Variants in BCAS3 observed in about 807,000 individuals in gnomAD.
BCAS3 encodes the protein BCAS4/BCAS3 fusion.
In BCAS3, 53 loss-of-function variants were observed where a neutral mutation model predicts 116.1. That is an observed-to-expected ratio of 0.46 (90% CI 0.37 to 0.57). BCAS3 has a LOEUF of 0.57. Among genes scored for constraint, BCAS3 ranks in the 20% least tolerant of loss-of-function variants. BCAS3 has a pLI of 0.00. For missense variants in BCAS3, 917 were observed against 1,165.4 expected, an observed-to-expected ratio of 0.79 and a Z score of 3.10; for synonymous variants, 391 against 408.2, an observed-to-expected ratio of 0.96 and a Z score of 0.51.
rs533828569 is a variant in BCAS3, at chr17:61,381,964, G to T, written c.2594-10013G>T. Among the ~76,000 whole-genome samples, 4 of 152,238 alleles carry T rather than the reference G, an allele frequency of 2.6e-5. No homozygotes were observed. The highest frequency in any genetic ancestry group is 1.9e-4 in the East Asian group (1 of 5,164). On this transcript the variant is annotated intron_variant, in intron 23 of 23. Transcript: ENST00000407086. This position sits in a 1 kb window ranked among gnomAD's most constrained non-coding sequence, Gnocchi z 6.0. ...TGGTCTCTGGGTAGCAGCCACAGCC[G>T]CAATAAGTCATTAACTTTCAGGACA...
intron 19 of BCAS3, among the ~76,000 whole-genome samples, chr17:61,067,734 A>ATATATAT (rs1568273619): frequency 7.2e-6 from 1 of 139,328 alleles, no homozygotes; most frequent in African/African-American, 3.1e-5. Flanking sequence ...AACAAAAAAA[A>ATATATAT]AAAAAAATAT....
chr17:60,947,482 G>A, intron 14 of BCAS3, 130 bp downstream of exon 14: 2 of 1,037,262 alleles, frequency 1.9e-6, no homozygotes, highest in Non-Finnish European at 2.7e-6. Flanking sequence ...TGATAGAATG[G>A]GTTAGATAAA....
intron 22 of BCAS3, among the ~76,000 whole-genome samples, chr17:61,240,581 G>A (rs1031987026): frequency 3.3e-5 from 5 of 152,206 alleles, no homozygotes; most frequent in African/African-American, 1.2e-4. Context: ...TTGAACTCAG[G>A]AAGCAGAGGT....
chr17:61,160,798 G>C (rs2078127982), intron 22 of BCAS3, among the ~76,000 whole-genome samples: 2 of 152,158 alleles, frequency 1.3e-5, no homozygotes, highest in Admixed American at 1.3e-4. Context: ...ACTTGTGGCA[G>C]CTTTCCTCCA....
chr17:60,888,956 A>G (rs180819545), intron 9 of BCAS3, among the ~76,000 whole-genome samples: 5 of 152,330 alleles, frequency 3.3e-5, no homozygotes, highest in Non-Finnish European at 5.9e-5. Context: ...GCATAGCAAT[A>G]GGAACATAGT....
intron 6 of BCAS3, among the ~76,000 whole-genome samples, chr17:60,781,212 C>T (rs2144489704): frequency 6.6e-6 from 1 of 151,952 alleles, no homozygotes; most frequent in South Asian, 2.1e-4. Flanking sequence ...TCAAGTGATC[C>T]CCCCGCCTCA....
In BCAS3 at chr17:61,333,615, CT is replaced by C. The variant is rs1235831243; in HGVS notation, c.2426-34703del. 4.3e-5 allele frequency among the ~76,000 whole-genome samples: 6 copies of C among 139,978 alleles called. No individual in the cohort carries two copies. The South Asian group carries it at 8.6e-4, about 20-fold the overall frequency. 91.8% of individuals were successfully genotyped at this position (139,978 alleles called of 152,430 possible). ...AGCTTTATCAAGTTCTTGAAACTTT[CT>C]TTTTTTTTCTTTTTTTTTTTTTGAG... On this transcript the variant is annotated intron_variant, in intron 22 of 23. Coordinates refer to ENST00000407086, the MANE Select transcript of BCAS3 (RefSeq NM_017679.5). The surrounding 1 kb of genome is among the most constrained non-coding windows in gnomAD (Gnocchi z 4.8).
At chr17:61,369,817 T>G (rs574350928) in intron 23 of BCAS3, among the ~76,000 whole-genome samples, 76 of 152,370 alleles carry the variant, frequency 5.0e-4, no homozygotes, top group African/African-American at 1.8e-3. Flanking sequence ...AGGGCTTGAC[T>G]TCGCTTCCCC....
chr17:60,813,423 A>C (rs2049028949), intron 7 of BCAS3, among the ~76,000 whole-genome samples: 1 of 152,106 alleles, frequency 6.6e-6, no homozygotes, highest in Non-Finnish European at 1.5e-5. Flanking sequence ...TCTTTTGAGA[A>C]GTGTCTGTTA....
At position 61,073,474 on chromosome 17, in the gene BCAS3, A is replaced by G. The variant is rs1236677960; in HGVS notation, c.2030-1446A>G. 1.3e-5 allele frequency among the ~76,000 whole-genome samples: 2 copies of G among 152,160 alleles called. No individual in the cohort carries two copies. Among genetic ancestry groups the G allele is most frequent in the East Asian group, 3.9e-4 (2 of 5,194 alleles). ...TGTTTCACTAAGATACAGTTTTTCA[A>G]AATACTACCTTGTTCTAGCAAGAGC... is the stretch of plus-strand genomic sequence containing the variant. On this transcript the variant is annotated intron_variant, in intron 19 of 23. Coordinates refer to ENST00000407086, the MANE Select transcript of BCAS3 (RefSeq NM_017679.5). This position sits in a 1 kb window ranked among gnomAD's most constrained non-coding sequence, Gnocchi z 4.6.
At chr17:61,052,418 A>G (rs1471157451) in intron 19 of BCAS3, among the ~76,000 whole-genome samples, 1 of 151,976 alleles carries the variant, frequency 6.6e-6, no homozygotes, top group Non-Finnish European at 1.5e-5. Context: ...CCTTATCTAC[A>G]TGTTTGACCA....
rs536160809 is a variant in BCAS3, at chr17:61,039,513, C to A, written c.1929-1279C>A. On this transcript the variant is annotated intron_variant, in intron 18 of 23. Coordinates refer to ENST00000407086, the MANE Select transcript of BCAS3 (RefSeq NM_017679.5). ...TCTCGGCTCACTGCAAGCTCCACCT[C>A]CCAGGTTCACACCATTCTCCTACCT... 2.9e-4 allele frequency among the ~76,000 whole-genome samples: 44 copies of A among 152,082 alleles called. No individual in the cohort carries two copies. The Middle Eastern group carries it at 0.01, about 35-fold the overall frequency.
At chr17:61,096,463 G>A (rs2073980468) in intron 22 of BCAS3, among the ~76,000 whole-genome samples, 1 of 152,150 alleles carries the variant, frequency 6.6e-6, no homozygotes, top group African/African-American at 2.4e-5. Context: ...AGGCTGAGGT[G>A]GGAGGATTGC....
In BCAS3 at chr17:60,790,363, T is replaced by G. The variant is rs372049081; in HGVS notation, c.404-17641T>G. Among the ~76,000 whole-genome samples, 49 of 152,274 alleles carry G rather than the reference T, an allele frequency of 3.2e-4. No individual in the cohort carries two copies. In the East Asian group the frequency reaches 5.2e-3, roughly 16 times the overall value. ...AATACAGGTACAAACTGTAAAGACC[T>G]TGGAAAGACCAGGAAGTAGAAGGAA... On this transcript the variant is annotated intron_variant, in intron 6 of 23. Transcript: ENST00000407086.
chr17:61,129,766 A>C (rs1458790054), intron 22 of BCAS3, among the ~76,000 whole-genome samples: 1 of 152,208 alleles, frequency 6.6e-6, no homozygotes, highest in African/African-American at 2.4e-5. Context: ...CGTGGACTTC[A>C]TGTCCTTCCT....
At chr17:60,940,056 T>C (rs1308580330) in intron 13 of BCAS3, among the ~76,000 whole-genome samples, 1 of 152,156 alleles carries the variant, frequency 6.6e-6, no homozygotes, top group Admixed American at 6.6e-5. Flanking sequence ...TAATTAAATA[T>C]TTAAATAATG....
intron 14 of BCAS3, among the ~76,000 whole-genome samples, chr17:60,955,366 A>G (rs550064896): frequency 6.7e-6 from 1 of 149,318 alleles, no homozygotes; most frequent in Non-Finnish European, 1.5e-5. Flanking sequence ...TAGCTAAAGG[A>G]TCTAGTTCAG....
intron 18 of BCAS3, among the ~76,000 whole-genome samples, chr17:61,039,560 C>T (rs570499430): frequency 6.6e-6 from 1 of 151,988 alleles, no homozygotes; most frequent in Non-Finnish European, 1.5e-5. Context: ...GTAGCTGGGA[C>T]TACAGGCACT....
In BCAS3 at chr17:61,355,428, T is replaced by A. The variant is rs918164256; in HGVS notation, c.2426-12899T>A. 7.9e-5 allele frequency among the ~76,000 whole-genome samples: 12 copies of A among 151,336 alleles called. No individual in the cohort carries two copies. The highest frequency in any genetic ancestry group is 2.6e-4 in the Admixed American group (4 of 15,158). On this transcript the variant is annotated intron_variant, in intron 22 of 23. Coordinates refer to ENST00000407086, the MANE Select transcript of BCAS3 (RefSeq NM_017679.5). This position sits in a 1 kb window ranked among gnomAD's most constrained non-coding sequence, Gnocchi z 4.2. ...GCAAGAACACTTAAAAATTCTGGAA[T>A]GGAAAGACTGAGCTGAAAACCCCCT...
Sources: allele counts gnomAD v4.1 joint callset (sites outside exome capture counted in the v4.1 genomes callset), GRCh38; gene constraint gnomAD v4.1.1; non-coding constraint Gnocchi (gnomAD v3.1); transcripts MANE v1.5; gene names NCBI Gene and HGNC (gene_info 2026-07-23, HGNC 2026-07-21).